Variants in SUGP1 observed in about 807,000 individuals in gnomAD.
The protein encoded by SUGP1 is SURP and G-patch domain-containing protein 1.
SUGP1 carries 34 observed loss-of-function variants against 76.5 expected under a neutral mutation model. The observed-to-expected ratio is 0.44, with a 90% CI of 0.34 to 0.59. SUGP1 has a LOEUF of 0.59. Ranked by LOEUF, SUGP1 falls within the 20% of genes least tolerant of loss-of-function variation. SUGP1 has a pLI of 0.01. For synonymous variants in SUGP1, 326 were observed against 326.2 expected (o/e 1.00, Z 0.01); for missense variants, 752 against 851.7 (o/e 0.88, Z 1.46).
chr19:19,308,335 G>A (rs1043744013), intron 3 of SUGP1, among the ~76,000 whole-genome samples: 3 of 152,136 alleles, frequency 2.0e-5, no homozygotes, highest in Non-Finnish European at 2.9e-5. Flanking sequence ...GCACCCAGCC[G>A]ACATCTATGA....
chr19:19,281,962 CGTT>C lies in SUGP1; in HGVS notation c.1244-1674_1244-1672del, dbSNP rs1742919261. Among the ~76,000 whole-genome samples the C allele has an allele frequency of 2.6e-5, 4 of 152,160 alleles. No homozygotes were observed. In the South Asian group the frequency reaches 8.3e-4, roughly 32 times the overall value. On this transcript the variant is annotated intron_variant, in intron 8 of 13. Coordinates refer to ENST00000247001, the MANE Select transcript of SUGP1 (RefSeq NM_172231.4). ...AAACTGTGGTAATTATTGTGCTTAT[CGTT>C]GTCTGTCTCTTGAACTTTCTTTCAT...
chr19:19,276,881 C>A, intron 13 of SUGP1, 66 bp downstream of exon 13: 1 of 1,593,114 alleles, frequency 6.3e-7, no homozygotes. Context: ...AGGAAGGGAG[C>A]CTTCTGTTCC....
At chr19:19,296,926 CATT>C in intron 8 of SUGP1, 60 bp downstream of exon 8, 2 of 1,344,692 alleles carry the variant, frequency 1.5e-6, no homozygotes, top group African/African-American at 2.9e-5. Context: ...ACCTTGAAGA[CATT>C]ATGCTCAGTG....
At chr19:19,302,192 T>C in intron 7 of SUGP1, 73 bp downstream of exon 7, 1 of 1,591,348 alleles carries the variant, frequency 6.3e-7, no homozygotes, top group East Asian at 2.2e-5. Context: ...TGGACTATGC[T>C]GATCCAGTGT....
At chr19:19,278,166 A>G (rs1048386492) in intron 11 of SUGP1, among the ~76,000 whole-genome samples, 1 of 152,208 alleles carries the variant, frequency 6.6e-6, no homozygotes, top group Non-Finnish European at 1.5e-5. Context: ...TCACTGGCAA[A>G]GAGAAGCCCC....
intron 4 of SUGP1, among the ~76,000 whole-genome samples, chr19:19,305,374 G>A (rs950235448): frequency 5.9e-5 from 9 of 152,264 alleles, no homozygotes; most frequent in Admixed American, 4.6e-4. Context: ...ACCAGTGACC[G>A]TCCTTTCCCA....
At position 19,320,474 on chromosome 19, in the gene SUGP1, C is replaced by G. The variant is rs768057590; in HGVS notation, c.23G>C (p.Arg8Pro). The G allele has an allele frequency of 3.1e-6, 5 of 1,610,244 alleles. No homozygotes were observed. Among genetic ancestry groups the G allele is most frequent in the Admixed American group, 3.4e-5 (2 of 59,376 alleles). The part of the protein sequence containing the change: MSLKMDN[R>P]DVAGKANRWF... ...GCGGGGGCTGTTACCTGCAACATCC[C>G]GGTTGTCCATCTTGAGACTCATCCA... Residue 8 changes from arginine to proline, a missense_variant, in exon 1 of 14, where the codon CGG becomes CCG. This residue lies in a region of SUGP1 where 620 missense variants were observed against 617.3 expected (regional missense o/e 1.00). Transcript: ENST00000247001.
intron 8 of SUGP1, among the ~76,000 whole-genome samples, chr19:19,289,577 G>A (rs564981422): frequency 9.9e-5 from 15 of 152,152 alleles, no homozygotes; most frequent in African/African-American, 3.1e-4. Flanking sequence ...GTGAAACCTC[G>A]TCTCTACTAA....
chr19:19,292,939 C>T lies in SUGP1; in HGVS notation c.1243+4050G>A, dbSNP rs545463738. On this transcript the variant is annotated intron_variant, in intron 8 of 13. Coordinates refer to ENST00000247001, the MANE Select transcript of SUGP1 (RefSeq NM_172231.4). ...TTTTTTTTTTTGAGACTCAGTCTCA[C>T]TCTGTTGCCCAGGCTGGAGTGCAGT... is the stretch of plus-strand genomic sequence containing the variant. Among the ~76,000 whole-genome samples, 3 of 152,084 alleles carry T rather than the reference C, an allele frequency of 2.0e-5. No homozygotes were observed. The South Asian group carries it at 6.2e-4, about 32-fold the overall frequency.
intron 3 of SUGP1, among the ~76,000 whole-genome samples, chr19:19,309,023 C>A (rs891479662): frequency 6.6e-6 from 1 of 152,142 alleles, no homozygotes; most frequent in African/African-American, 2.4e-5. Context: ...CCTGCCACCA[C>A]GCCCGGCTAA....
Position 19,320,492 on chromosome 19 carries a change from C to G in SUGP1, c.5G>C (p.Ser2Thr). 4.3e-6 allele frequency: 7 copies of G among 1,610,236 alleles called. No individual in the cohort carries two copies. The highest frequency in any genetic ancestry group is 5.9e-6 in the Non-Finnish European group (7 of 1,178,636). ...AACATCCCGGTTGTCCATCTTGAGA[C>G]TCATCCAATCCCACAATGCTCCGGC... M[S>T]LKMDNRDVAG... Residue 2 changes from serine to threonine, a missense_variant, in exon 1 of 14, where the codon AGT (serine) becomes ACT (threonine). This residue lies in a region of SUGP1 where 620 missense variants were observed against 617.3 expected (regional missense o/e 1.00). Coordinates refer to ENST00000247001, the MANE Select transcript of SUGP1 (RefSeq NM_172231.4).
chr19:19,302,189 T>G, intron 7 of SUGP1, 76 bp downstream of exon 7: 1 of 1,588,666 alleles, frequency 6.3e-7, no homozygotes. Flanking sequence ...GGCTGGACTA[T>G]GCTGATCCAG....
chr19:19,280,370 G>C lies in SUGP1; in HGVS notation c.1244-79C>G. Reference sequence around the variant, plus strand: ...GCTCCTGCGCTGGGGTGTGCTGTGAGTCTCACACCTTCATGACACTCCAGG... The same window carrying C: ...GCTCCTGCGCTGGGGTGTGCTGTGACTCTCACACCTTCATGACACTCCAGG... On this transcript the variant is annotated intron_variant, in intron 8 of 13. Transcript: ENST00000247001. The C allele has an allele frequency of 2.4e-6, 3 of 1,258,362 alleles. No individual in the cohort carries two copies. The South Asian group carries it at 3.6e-5, about 15-fold the overall frequency. 77.9% of individuals were successfully genotyped at this position (1,258,362 alleles called of 1,614,324 possible).
intron 8 of SUGP1, among the ~76,000 whole-genome samples, chr19:19,293,269 C>T (rs1385113283): frequency 4.6e-5 from 7 of 151,424 alleles, no homozygotes; most frequent in African/African-American, 7.3e-5. Context: ...ATGATAAAAA[C>T]GCTCAATAAA....
intron 7 of SUGP1, among the ~76,000 whole-genome samples, chr19:19,299,278 T>C (rs1427737887): frequency 6.6e-6 from 1 of 152,250 alleles, no homozygotes; most frequent in Non-Finnish European, 1.5e-5. Flanking sequence ...CTCACATGGG[T>C]GCCTTCTGAA....
intron 4 of SUGP1, 163 bp from the exon 5 acceptor site, chr19:19,304,010 G>A: frequency 1.3e-6 from 2 of 1,590,290 alleles, no homozygotes; most frequent in South Asian, 2.2e-5. Flanking sequence ...CCATGACGAG[G>A]GGGGAGTCGG....
chr19:19,315,503 G>T (rs1487341866), intron 2 of SUGP1, among the ~76,000 whole-genome samples: 1 of 152,134 alleles, frequency 6.6e-6, no homozygotes. Flanking sequence ...AAAACCCTTG[G>T]TGCCCTCAGT....
At chr19:19,276,794 G>A in intron 13 of SUGP1, 120 bp from the exon 14 acceptor site, 4 of 1,555,274 alleles carry the variant, frequency 2.6e-6, no homozygotes, top group South Asian at 1.2e-5. Flanking sequence ...GGGCAGGCTT[G>A]GGGGACGGGT....
chr19:19,305,780 C>T (rs2061311613), intron 4 of SUGP1, 69 bp downstream of exon 4: 5 of 1,492,046 alleles, frequency 3.4e-6, no homozygotes, highest in Admixed American at 3.9e-5. Context: ...ACTTGCCCTG[C>T]CCACCACAGA....
Sources: allele counts gnomAD v4.1 joint callset (sites outside exome capture counted in the v4.1 genomes callset), GRCh38; gene constraint gnomAD v4.1.1; regional missense constraint gnomAD v4.1.1; transcripts MANE v1.5; gene names NCBI Gene and HGNC (gene_info 2026-07-23, HGNC 2026-07-21).